Variants in SGCD observed in about 807,000 individuals in gnomAD.
SGCD encodes the protein sarcoglycan delta.
A neutral mutation model predicts 36.6 loss-of-function variants in SGCD; 18 were observed. The ratio of observed to expected loss-of-function variants is 0.49; its 90% CI spans 0.34 to 0.73. The LOEUF is 0.73. Ranked by LOEUF, SGCD falls within the 30% of genes least tolerant of loss-of-function variation. The pLI, the probability that SGCD is intolerant of heterozygous loss-of-function variation, is 0.01. For synonymous variants in SGCD, 133 were observed against 130.6 expected (o/e 1.02, Z -0.12); for missense variants, 387 against 346.7 (o/e 1.12, Z -0.92).
intron 1 of SGCD, among the ~76,000 whole-genome samples, chr5:155,917,987 T>C (rs924169468): frequency 6.6e-6 from 1 of 152,204 alleles, no homozygotes; most frequent in African/African-American, 2.4e-5. Flanking sequence ...TTCTATTTTT[T>C]GGCCACAATT....
chr5:156,373,275 A>G (rs1019627173), intron 3 of SGCD, among the ~76,000 whole-genome samples: 1 of 152,166 alleles, frequency 6.6e-6, no homozygotes, highest in Non-Finnish European at 1.5e-5. Flanking sequence ...GTACTCTCCA[A>G]TAATTTTGCT....
intron 1 of SGCD, among the ~76,000 whole-genome samples, chr5:155,971,101 T>G (rs1757999218): frequency 6.6e-6 from 1 of 152,184 alleles, no homozygotes; most frequent in African/African-American, 2.4e-5. Flanking sequence ...AATTTTTTTC[T>G]TTAGACTTTT....
rs962307044 is a variant in SGCD, at chr5:156,271,333, G to T, written c.-43-58201G>T. Among the ~76,000 whole-genome samples, 114 of 152,126 alleles carry T rather than the reference G, an allele frequency of 7.5e-4. 1 individual carries two copies. Among genetic ancestry groups the T allele is most frequent in the African/African-American group, 2.6e-3 (109 of 41,506 alleles). The stretch of plus-strand genomic sequence containing the variant: ...TTGCCTTTCTATCTGGAGGGGTCCT[G>T]CAGTTTATGGAAAAAAGTGCATTGG... On this transcript the variant is annotated intron_variant, in intron 3 of 9. Transcript: ENST00000517913.
chr5:156,445,825 CACAT>C (rs1387620771), intron 3 of SGCD, among the ~76,000 whole-genome samples: 1 of 152,140 alleles, frequency 6.6e-6, no homozygotes, highest in African/African-American at 2.4e-5. Context: ...CATGCACACA[CACAT>C]ACGCACCCAT....
chr5:156,704,321 G>C (rs1255276602), intron 7 of SGCD: 1 of 152,064 alleles, frequency 6.6e-6, no homozygotes, highest in Non-Finnish European at 1.5e-5. Context: ...AAAAATTCTG[G>C]TCATAAGTCC....
At chr5:155,751,564 T>G in the SGCD span, among the ~76,000 whole-genome samples, 1 of 152,030 alleles carries the variant, frequency 6.6e-6, no homozygotes, top group African/African-American at 2.4e-5. Context: ...TTTTTCTATA[T>G]TTTTGGTAGA....
chr5:155,749,322 A>G, the SGCD span, among the ~76,000 whole-genome samples: 6 of 151,952 alleles, frequency 3.9e-5, no homozygotes, highest in African/African-American at 1.5e-4. Context: ...CATGCTATTT[A>G]CTCCTTTGCA....
intron 4 of SGCD, among the ~76,000 whole-genome samples, chr5:156,566,565 G>A (rs1759486452): frequency 6.6e-6 from 1 of 152,006 alleles, no homozygotes; most frequent in South Asian, 2.1e-4. Context: ...ATGATTTAAG[G>A]TATAACTGTG....
At chr5:156,263,068 A>C (rs62383771) in intron 3 of SGCD, among the ~76,000 whole-genome samples, 3 of 151,906 alleles carry the variant, frequency 2.0e-5, no homozygotes, top group Non-Finnish European at 4.4e-5. Context: ...TGGGTGTGCA[A>C]GTACCTTTTT....
At chr5:156,125,094 C>G (rs1762138836) in intron 3 of SGCD, among the ~76,000 whole-genome samples, 2 of 152,152 alleles carry the variant, frequency 1.3e-5, no homozygotes, top group Non-Finnish European at 2.9e-5. Flanking sequence ...CTTACAACCA[C>G]ATGGCATGTT....
At chr5:155,893,997 A>T (rs1252600596) in intron 1 of SGCD, among the ~76,000 whole-genome samples, 5 of 152,178 alleles carry the variant, frequency 3.3e-5, no homozygotes, top group Non-Finnish European at 4.4e-5. Context: ...GGTATAAAAG[A>T]TGTCTTAAAA....
chr5:156,218,295 G>A (rs1764627430), intron 3 of SGCD, among the ~76,000 whole-genome samples: 2 of 151,962 alleles, frequency 1.3e-5, no homozygotes, highest in African/African-American at 4.8e-5. Context: ...TTTTGATGTT[G>A]TCTTTCAAAC....
intron 1 of SGCD, among the ~76,000 whole-genome samples, chr5:156,029,969 T>G (rs1480626219): frequency 6.6e-6 from 1 of 152,156 alleles, no homozygotes; most frequent in Non-Finnish European, 1.5e-5. Context: ...CCAGCCCTCA[T>G]AAACCTACCT....
At chr5:155,885,685 T>C (rs1362085507) in intron 1 of SGCD, among the ~76,000 whole-genome samples, 1 of 152,256 alleles carries the variant, frequency 6.6e-6, no homozygotes, top group Non-Finnish European at 1.5e-5. Context: ...CAGCTTTCTA[T>C]GTTACTTTCA....
intron 3 of SGCD, among the ~76,000 whole-genome samples, chr5:156,218,411 G>T (rs1764631297): frequency 6.6e-6 from 1 of 152,030 alleles, no homozygotes; most frequent in Non-Finnish European, 1.5e-5. Flanking sequence ...AATTGCAATA[G>T]ATTTTTAGCA....
At chr5:156,405,584 C>T (rs1022369650) in intron 3 of SGCD, among the ~76,000 whole-genome samples, 1 of 152,116 alleles carries the variant, frequency 6.6e-6, no homozygotes, top group Non-Finnish European at 1.5e-5. Flanking sequence ...TCCCATTTCC[C>T]CATCTGTCAT....
At chr5:155,771,096 G>T in the SGCD span, among the ~76,000 whole-genome samples, 2 of 152,238 alleles carry the variant, frequency 1.3e-5, no homozygotes, top group African/African-American at 4.8e-5. Flanking sequence ...GAACATAAAT[G>T]GTCCTTGGCA....
chr5:156,645,709 T>C (rs1428941288), intron 6 of SGCD, among the ~76,000 whole-genome samples: 2 of 152,050 alleles, frequency 1.3e-5, no homozygotes, highest in Non-Finnish European at 2.9e-5. Context: ...TGTGTGACCA[T>C]AGGAAAAATT....
intron 7 of SGCD, among the ~76,000 whole-genome samples, chr5:156,754,344 A>G (rs538061068): frequency 2.6e-5 from 4 of 152,178 alleles, no homozygotes; most frequent in South Asian, 4.1e-4. Flanking sequence ...TTTGAACTCT[A>G]TGTACCAAGT....
Sources: gnomAD v4.1 joint callset for allele counts (sites outside exome capture counted in the v4.1 genomes callset) on GRCh38, gnomAD v4.1.1 for gene constraint, MANE v1.5 for transcripts, NCBI Gene and HGNC (gene_info 2026-07-23, HGNC 2026-07-21) for gene names.